The following SORCS3 variants were observed in gnomAD, a reference collection of about 807,000 sequenced individuals.
SORCS3 encodes sortilin related VPS10 domain containing receptor 3, also known as VPS10 domain-containing receptor SorCS3.
A neutral mutation model predicts 146.3 loss-of-function variants in SORCS3; 57 were observed. The observed-to-expected ratio is 0.39, with a 90% confidence interval of 0.31 to 0.49. The LOEUF (loss-of-function observed/expected upper bound fraction) is 0.49. Ranked by LOEUF, SORCS3 falls within the 20% of genes least tolerant of loss-of-function variation. The pLI is 0.92. For synonymous variants in SORCS3, 653 were observed against 618.5 expected (o/e 1.06, Z -0.83); for missense variants, 1,341 against 1,575.5 (o/e 0.85, Z 2.52).
rs537824141 is a variant in SORCS3 at position 104,743,871 on chromosome 10, C to T, written c.628-98921C>T. ...AAAAGCATCCTTTTATTCAGGCATC[C>T]GCTTAAAGGCTAAAGCTACAATAAA... On this transcript the variant is annotated intron_variant, in intron 1 of 26. Coordinates refer to ENST00000369701, the MANE Select transcript of SORCS3 (RefSeq NM_014978.3). 1.1e-4 allele frequency among the ~76,000 whole-genome samples: 16 copies of T among 152,262 alleles called. No individual in the cohort carries two copies. In the South Asian group the frequency reaches 2.3e-3, roughly 22 times the overall value.
chr10:105,169,337 T>G (rs1027536112), intron 13 of SORCS3, among the ~76,000 whole-genome samples: 1 of 152,112 alleles, frequency 6.6e-6, no homozygotes, highest in African/African-American at 2.4e-5. Flanking sequence ...AGTACATGTG[T>G]GACTAGAAGT....
In SORCS3 at chr10:104,838,913, A is replaced by G. The variant is rs373500506; in HGVS notation, c.628-3879A>G. 9.2e-5 allele frequency among the ~76,000 whole-genome samples: 14 copies of G among 152,178 alleles called. No individual in the cohort carries two copies. In the East Asian group the frequency reaches 1.7e-3, roughly 19 times the overall value. On this transcript the variant is annotated intron_variant, in intron 1 of 26. Coordinates refer to ENST00000369701, the MANE Select transcript of SORCS3 (RefSeq NM_014978.3). ...TGGCTCTTAGGCTCCGGCTTTATTC[A>G]TGGAATGGGAGGAGCACTACCTTGG...
At chr10:104,710,169 C>T (rs562569546) in intron 1 of SORCS3, among the ~76,000 whole-genome samples, 3 of 152,152 alleles carry the variant, frequency 2.0e-5, no homozygotes, top group Admixed American at 1.3e-4. Context: ...AGACAGCCAA[C>T]GTCTTCCCAT....
At chr10:105,180,394 A>AT (rs2056436030) in intron 14 of SORCS3, among the ~76,000 whole-genome samples, 1 of 152,218 alleles carries the variant, frequency 6.6e-6, no homozygotes. Context: ...GAAAGCAAGG[A>AT]TTGGCATGTT....
At chr10:104,696,647 AT>A (rs2016212467) in intron 1 of SORCS3, among the ~76,000 whole-genome samples, 1 of 58,130 alleles carries the variant, frequency 1.7e-5, no homozygotes, top group Non-Finnish European at 3.4e-5. Flanking sequence ...TATATAATAT[AT>A]ATTATATACG....
At chr10:104,709,055 A>C (rs960132830) in intron 1 of SORCS3, among the ~76,000 whole-genome samples, 20 of 152,288 alleles carry the variant, frequency 1.3e-4, no homozygotes, top group Non-Finnish European at 1.5e-4. Context: ...TTGGTTAGAC[A>C]GCAATTCTGT....
chr10:105,159,792 T>G (rs1025647724), intron 11 of SORCS3, among the ~76,000 whole-genome samples: 1 of 152,078 alleles, frequency 6.6e-6, no homozygotes, highest in Non-Finnish European at 1.5e-5. Flanking sequence ...GTCCCTGGAG[T>G]TCCTACTCTC....
At chr10:104,823,397 C>CT (rs920621764) in intron 1 of SORCS3, among the ~76,000 whole-genome samples, 17 of 152,100 alleles carry the variant, frequency 1.1e-4, no homozygotes, top group South Asian at 2.1e-4. Flanking sequence ...TCTGAGACAC[C>CT]TTTTTTTTCC....
intron 2 of SORCS3, among the ~76,000 whole-genome samples, chr10:104,914,276 A>T (rs1377741443): frequency 6.6e-6 from 1 of 152,204 alleles, no homozygotes; most frequent in Non-Finnish European, 1.5e-5. Context: ...GAGCATAGAG[A>T]AATCAATCAT....
intron 1 of SORCS3, among the ~76,000 whole-genome samples, chr10:104,751,944 T>C (rs1180700452): frequency 8.9e-6 from 1 of 112,650 alleles, no homozygotes; most frequent in Non-Finnish European, 1.8e-5. Context: ...TATATATATA[T>C]ATATATATAT....
intron 1 of SORCS3, among the ~76,000 whole-genome samples, chr10:104,759,680 T>G (rs1341430776): frequency 6.6e-5 from 10 of 152,184 alleles, no homozygotes; most frequent in Admixed American, 6.5e-4. Context: ...TTGGGATATC[T>G]TTTTCTACAC....
At chr10:104,836,916 G>T (rs2018075597) in intron 1 of SORCS3, among the ~76,000 whole-genome samples, 1 of 152,052 alleles carries the variant, frequency 6.6e-6, no homozygotes, top group Admixed American at 6.6e-5. Flanking sequence ...AAGCAGACAA[G>T]CTCCATTTCA....
intron 1 of SORCS3, among the ~76,000 whole-genome samples, chr10:104,797,023 C>T (rs2017564155): frequency 6.6e-6 from 1 of 152,200 alleles, no homozygotes; most frequent in African/African-American, 2.4e-5. Flanking sequence ...CTACCCATTT[C>T]TCTACTCTTT....
At chr10:104,875,206 G>A (rs1166166727) in intron 2 of SORCS3, among the ~76,000 whole-genome samples, 1 of 152,178 alleles carries the variant, frequency 6.6e-6, no homozygotes, top group Non-Finnish European at 1.5e-5. Flanking sequence ...TCCAAGCCAA[G>A]AGTGTTGTTT....
At chr10:104,721,886 A>G (rs1212904326) in intron 1 of SORCS3, among the ~76,000 whole-genome samples, 2 of 152,154 alleles carry the variant, frequency 1.3e-5, no homozygotes, top group Admixed American at 1.3e-4. Flanking sequence ...GGCTGAGATG[A>G]TGGGGTTTTC....
intron 1 of SORCS3, among the ~76,000 whole-genome samples, chr10:104,722,590 T>C (rs1425632358): frequency 6.6e-6 from 1 of 152,228 alleles, no homozygotes; most frequent in Non-Finnish European, 1.5e-5. Context: ...AGAATTTGGC[T>C]GTGAATCCAA....
At chr10:105,136,615 T>C (rs998033805) in intron 7 of SORCS3, among the ~76,000 whole-genome samples, 5 of 152,284 alleles carry the variant, frequency 3.3e-5, no homozygotes, top group South Asian at 4.1e-4. Context: ...AGTTCAGTAA[T>C]TGAGAGATAG....
chr10:105,015,121 G>T (rs2055157564), intron 4 of SORCS3, among the ~76,000 whole-genome samples: 1 of 152,192 alleles, frequency 6.6e-6, no homozygotes, highest in African/African-American at 2.4e-5. Context: ...TAAGAACATT[G>T]TAATTTCAGT....
intron 1 of SORCS3, among the ~76,000 whole-genome samples, chr10:104,701,969 A>T (rs1259490285): frequency 2.0e-5 from 3 of 152,048 alleles, no homozygotes; most frequent in Non-Finnish European, 2.9e-5. Flanking sequence ...GCATATTGTA[A>T]ATATTTTGGT....
Sources: allele counts gnomAD v4.1 joint callset (sites outside exome capture counted in the v4.1 genomes callset), GRCh38; gene constraint gnomAD v4.1.1; transcripts MANE v1.5; gene names NCBI Gene and HGNC (gene_info 2026-07-23, HGNC 2026-07-21).